ANKRD40: variants seen among roughly 807,000 people sequenced by gnomAD.
ANKRD40 encodes the protein ankyrin repeat domain 40.
A neutral mutation model predicts 35.5 loss-of-function variants in ANKRD40; 24 were observed. The observed-to-expected ratio is 0.68, with a 90% CI of 0.49 to 0.95. The LOEUF (loss-of-function observed/expected upper bound fraction) is 0.95, where lower values mean the gene tolerates loss of function less well. Ranked by LOEUF, ANKRD40 falls within the 40% of genes least tolerant of loss-of-function variation. The probability of loss-of-function intolerance (pLI) is 0.00; values close to 1 mark genes in which losing one functional copy is unlikely to be tolerated. For synonymous variants in ANKRD40, 147 were observed against 173.5 expected, an observed-to-expected ratio of 0.85 and a Z score of 1.20; for missense variants, 361 against 436.0, an observed-to-expected ratio of 0.83 and a Z score of 1.53.
chr17:50,706,276 C>T (rs962099137), intron 1 of ANKRD40, among the ~76,000 whole-genome samples: 1 of 150,962 alleles, frequency 6.6e-6, no homozygotes, highest in Admixed American at 6.6e-5. Context: ...CATGCACCAC[C>T]ACGCCCAGCT....
rs1387218171 is a variant in ANKRD40, at chr17:50,695,963, G to A, written c.*34C>T. 6.2e-7 allele frequency: 1 copy of A among 1,612,484 alleles called. No individual in the cohort carries two copies. The highest frequency in any genetic ancestry group is 2.2e-5 in the East Asian group (1 of 44,880). ...CCTTGGCCCAGAGGTGATGCACACT[G>A]TCATAATACTCAGTGATAAAAGTCC... On this transcript the variant is annotated 3_prime_UTR_variant, in exon 5 of 5. Coordinates refer to ENST00000285243, the MANE Select transcript of ANKRD40 (RefSeq NM_052855.4).
At chr17:50,698,489 A>G (rs1289739962) in intron 3 of ANKRD40, among the ~76,000 whole-genome samples, 1 of 152,246 alleles carries the variant, frequency 6.6e-6, no homozygotes, top group Non-Finnish European at 1.5e-5. Context: ...AAAGAATGAT[A>G]GAAAATCATA....
intron 1 of ANKRD40, among the ~76,000 whole-genome samples, chr17:50,706,567 A>G (rs1421361286): frequency 6.6e-6 from 1 of 152,018 alleles, no homozygotes; most frequent in African/African-American, 2.4e-5. Flanking sequence ...CTGCAGGCAG[A>G]CATCTAAAGT....
intron 1 of ANKRD40, among the ~76,000 whole-genome samples, chr17:50,703,962 T>C (rs1302607160): frequency 1.3e-5 from 2 of 151,642 alleles, no homozygotes; most frequent in East Asian, 3.9e-4. Flanking sequence ...AGAGGTGTAG[T>C]GGTAGGGTTA....
Position 50,707,406 on chromosome 17 carries a change from A to C in ANKRD40, c.134+115T>G. Reference sequence around the variant, plus strand: ...AAGAGAGCACAATCTCGGAGGCCCGAGGTGGCAGGCCTCGCCGTAGCCAGG... The same window carrying C: ...AAGAGAGCACAATCTCGGAGGCCCGCGGTGGCAGGCCTCGCCGTAGCCAGG... On this transcript the variant is annotated intron_variant, in intron 1 of 4. Coordinates refer to ENST00000285243, the MANE Select transcript of ANKRD40 (RefSeq NM_052855.4). This position sits in a 1 kb window ranked among gnomAD's most constrained non-coding sequence, Gnocchi z 4.8. 6.9e-7 allele frequency: 1 copy of C among 1,450,324 alleles called. No individual in the cohort carries two copies. The highest frequency in any genetic ancestry group is 1.5e-5 in the African/African-American group (1 of 68,568). 89.8% of individuals were successfully genotyped at this position (1,450,324 alleles called of 1,614,324 possible).
Position 50,707,394 on chromosome 17 carries a change from C to T in ANKRD40, c.134+127G>A. 4 of 1,403,404 alleles carry T rather than the reference C, an allele frequency of 2.9e-6. No homozygotes were observed. Among genetic ancestry groups the T allele is most frequent in the Non-Finnish European group, 3.8e-6 (4 of 1,045,266 alleles). The allele number at this position is 1,403,404 out of a possible 1,614,324, so 86.9% of individuals were successfully genotyped here. A position where few individuals can be genotyped will look rare whatever the true frequency, so the allele number is the denominator to read the frequency against. ...AGGGCTGGCCTCAAGAGAGCACAAT[C>T]TCGGAGGCCCGAGGTGGCAGGCCTC... is the stretch of plus-strand genomic sequence containing the variant. On this transcript the variant is annotated intron_variant, in intron 1 of 4. Transcript: ENST00000285243. The surrounding 1 kb of genome is among the most constrained non-coding windows in gnomAD (Gnocchi z 4.8).
At chr17:50,705,656 T>G (rs958338878) in intron 1 of ANKRD40, among the ~76,000 whole-genome samples, 2 of 146,736 alleles carry the variant, frequency 1.4e-5, no homozygotes, top group Non-Finnish European at 3.0e-5. Flanking sequence ...ACCAGGAAGA[T>G]AGACTTTTTT....
In ANKRD40 at chr17:50,699,650, G is replaced by T. The variant is rs760913645; in HGVS notation, c.527C>A (p.Pro176His). The T allele has an allele frequency of 1.9e-6, 3 of 1,614,112 alleles. No individual in the cohort carries two copies. Among genetic ancestry groups the T allele is most frequent in the Non-Finnish European group, 2.5e-6 (3 of 1,180,054 alleles). ...TAGTGCCAAAGAGGTGTGGTCCCGG[G>T]GAAAGGTCCCTAACAGGGGAGGTTC... ...PGEPPLLGTF[P>H]RDHTSLALVQ... is the part of the protein sequence containing the mutation. Residue 176 changes from proline (P) to histidine (H), a missense_variant, in exon 3 of 5, where the codon CCC becomes CAC. Transcript: ENST00000285243.
intron 3 of ANKRD40, 74 bp downstream of exon 3, chr17:50,699,325 A>C: frequency 6.5e-7 from 1 of 1,541,826 alleles, no homozygotes; most frequent in Admixed American, 1.9e-5. Context: ...TTATACCCAG[A>C]ATACCTCATT....
chr17:50,695,972 C>T lies in ANKRD40; in HGVS notation c.*25G>A, dbSNP rs766175548. 1.2e-6 allele frequency: 2 copies of T among 1,613,182 alleles called. No individual in the cohort carries two copies. The highest frequency in any genetic ancestry group is 2.2e-5 in the South Asian group (2 of 91,006). Reference sequence around the variant, plus strand: ...AGAGGTGATGCACACTGTCATAATACTCAGTGATAAAAGTCCCTGCTGCAT... The same window carrying T: ...AGAGGTGATGCACACTGTCATAATATTCAGTGATAAAAGTCCCTGCTGCAT... On this transcript the variant is annotated 3_prime_UTR_variant, in exon 5 of 5. Coordinates refer to ENST00000285243, the MANE Select transcript of ANKRD40 (RefSeq NM_052855.4).
chr17:50,703,582 G>C (rs761430948), intron 1 of ANKRD40, among the ~76,000 whole-genome samples: 6 of 152,164 alleles, frequency 3.9e-5, no homozygotes, highest in African/African-American at 7.2e-5. Context: ...TATCTGGAGG[G>C]AAAGCATTTA....
In ANKRD40 at chr17:50,707,639, C is replaced by G. The variant is rs1327524161; in HGVS notation, c.16G>C (p.Glu6Gln). MNALL[E>Q]QKEQQERLRE... ...AGCCTCTCCTGCTGCTCCTTCTGCT[C>G]TAGGAGGGCGTTCATCTTCCCACAG... Residue 6 changes from glutamate (E) to glutamine (Q), a missense_variant, in exon 1 of 5, where the codon GAG (glutamate) becomes CAG (glutamine). Glu to Gln is a conservative substitution (Grantham distance 29). Transcript: ENST00000285243. The surrounding 1 kb of genome is among the most constrained non-coding windows in gnomAD (Gnocchi z 4.8). 4 of 1,574,552 alleles carry G rather than the reference C, an allele frequency of 2.5e-6. No homozygotes were observed. Among genetic ancestry groups the G allele is most frequent in the African/African-American group, 1.4e-5 (1 of 71,580 alleles).
rs989660897 is a variant in ANKRD40 at position 50,707,259 on chromosome 17, G to C, written c.134+262C>G. 2.0e-5 allele frequency among the ~76,000 whole-genome samples: 3 copies of C among 152,174 alleles called. No homozygotes were observed. Among genetic ancestry groups the C allele is most frequent in the Non-Finnish European group, 4.4e-5 (3 of 68,028 alleles). On this transcript the variant is annotated intron_variant, in intron 1 of 4. Coordinates refer to ENST00000285243, the MANE Select transcript of ANKRD40 (RefSeq NM_052855.4). This position sits in a 1 kb window ranked among gnomAD's most constrained non-coding sequence, Gnocchi z 4.8. Reference sequence around the variant, plus strand: ...CGCTCTGACCAAGTGAGCCGGGAGCGCGGGGGAAGGGGGTAGGGCACCAGA... The same window carrying C: ...CGCTCTGACCAAGTGAGCCGGGAGCCCGGGGGAAGGGGGTAGGGCACCAGA...
chr17:50,698,481 A>G (rs902224138), intron 3 of ANKRD40, among the ~76,000 whole-genome samples: 1 of 152,244 alleles, frequency 6.6e-6, no homozygotes, highest in Admixed American at 6.5e-5. Flanking sequence ...AAGTAGAGAA[A>G]GAATGATAGA....
Position 50,694,652 on chromosome 17 carries a change from G to T in ANKRD40, c.*1345C>A, listed in dbSNP as rs1968175699. Reference sequence around the variant, plus strand: ...TTAATGACACTGAAGGAAAGGAAAAGAATCCTTGAATGCATTCTTCTAAAA... The same window carrying T: ...TTAATGACACTGAAGGAAAGGAAAATAATCCTTGAATGCATTCTTCTAAAA... On this transcript the variant is annotated 3_prime_UTR_variant, in exon 5 of 5. Coordinates refer to ENST00000285243, the MANE Select transcript of ANKRD40 (RefSeq NM_052855.4). 1 of 152,188 alleles carries T rather than the reference G, an allele frequency of 6.6e-6. No homozygotes were observed. The highest frequency in any genetic ancestry group is 1.5e-5 in the Non-Finnish European group (1 of 68,028). 9.4% of individuals were successfully genotyped at this position (152,188 alleles called of 1,614,324 possible). A position where few individuals can be genotyped will look rare whatever the true frequency, so the allele number is the denominator to read the frequency against.
At chr17:50,702,134 G>A (rs1968279300) in intron 1 of ANKRD40, among the ~76,000 whole-genome samples, 1 of 152,186 alleles carries the variant, frequency 6.6e-6, no homozygotes. Context: ...GCCAGGCACG[G>A]TGGCTCACAC....
At chr17:50,702,273 G>C (rs1350094503) in intron 1 of ANKRD40, among the ~76,000 whole-genome samples, 1 of 152,098 alleles carries the variant, frequency 6.6e-6, no homozygotes, top group Non-Finnish European at 1.5e-5. Flanking sequence ...GATGGTGCAT[G>C]TCTGTAATCC....
At chr17:50,701,434 GTTC>G (rs1212329585) in intron 1 of ANKRD40, among the ~76,000 whole-genome samples, 1 of 152,132 alleles carries the variant, frequency 6.6e-6, no homozygotes, top group African/African-American at 2.4e-5. Flanking sequence ...TCACGAACAG[GTTC>G]TTCTAACATA....
chr17:50,707,669 A>G lies in ANKRD40; in HGVS notation c.-15T>C, dbSNP rs200569179. ...AGGGCGTTCATCTTCCCACAGCCCC[A>G]GGCCCCCGCCCAGGCCCGCCTGCCC... On this transcript the variant is annotated 5_prime_UTR_variant, in exon 1 of 5. Transcript: ENST00000285243. The surrounding 1 kb of genome is among the most constrained non-coding windows in gnomAD (Gnocchi z 4.8). The G allele has an allele frequency of 8.3e-4, 1,250 of 1,511,110 alleles. 3 individuals are homozygous for G. The highest frequency in any genetic ancestry group is 6.0e-3 in the East Asian group (219 of 36,666). 93.6% of individuals were successfully genotyped at this position (1,511,110 alleles called of 1,614,324 possible).
Sources: gnomAD v4.1 joint callset for allele counts (sites outside exome capture counted in the v4.1 genomes callset) on GRCh38, gnomAD v4.1.1 for gene constraint, Gnocchi (gnomAD v3.1) non-coding constraint, MANE v1.5 for transcripts, NCBI Gene and HGNC (gene_info 2026-07-23, HGNC 2026-07-21) for gene names.